The following FRY variants were observed in gnomAD, a reference collection of about 807,000 sequenced individuals.
FRY encodes protein furry homolog.
Under a neutral mutation model 348.4 loss-of-function variants are expected in FRY, and 128 were observed. The observed-to-expected ratio is 0.37, with a 90% CI of 0.32 to 0.43. The LOEUF is 0.43. Ranked by LOEUF, FRY falls within the 20% of genes least tolerant of loss-of-function variation. The pLI is 1.00. For missense variants in FRY, 2,736 were observed against 3,695.2 expected, an observed-to-expected ratio of 0.74 and a Z score of 6.73; for synonymous variants, 1,370 against 1,374.7, an observed-to-expected ratio of 1.00 and a Z score of 0.08.
chr13:32,140,315 A>C (rs1879983441), intron 11 of FRY, among the ~76,000 whole-genome samples: 1 of 152,244 alleles, frequency 6.6e-6, no homozygotes. Context: ...TCAGATAGCA[A>C]TACTGCATCT....
intron 11 of FRY, among the ~76,000 whole-genome samples, chr13:32,145,543 T>G (rs771475559): frequency 0.1 from 14,256 of 140,034 alleles, 855 homozygotes; most frequent in African/African-American, 0.17. Flanking sequence ...TTTTTTTTTT[T>G]TTTTTTTTTT....
chr13:32,092,166 G>C (rs1016202264), intron 2 of FRY, among the ~76,000 whole-genome samples: 1 of 152,134 alleles, frequency 6.6e-6, no homozygotes, highest in Admixed American at 6.5e-5. Context: ...TATCTCTGAG[G>C]GCAGTAATAC....
At chr13:32,143,188 G>A (rs113498215) in intron 11 of FRY, among the ~76,000 whole-genome samples, 15 of 152,254 alleles carry the variant, frequency 9.9e-5, no homozygotes, top group African/African-American at 3.6e-4. Context: ...GTGATTAGAA[G>A]CCTCTTAAGG....
At chr13:32,187,099 T>G (rs1883070245) in intron 27 of FRY, among the ~76,000 whole-genome samples, 1 of 152,258 alleles carries the variant, frequency 6.6e-6, no homozygotes, top group Non-Finnish European at 1.5e-5. Flanking sequence ...TATAATTATT[T>G]ACTTTCATAC....
chr13:32,061,270 A>G, intron 1 of FRY: 1 of 464,152 alleles, frequency 2.2e-6, no homozygotes, highest in Non-Finnish European at 4.5e-6. Flanking sequence ...TGGAGGTAGC[A>G]GTTGCATCTG....
intron 21 of FRY, 29 bp downstream of exon 21, chr13:32,178,465 C>T (rs1566113578): frequency 6.2e-7 from 1 of 1,612,244 alleles, no homozygotes; most frequent in Admixed American, 1.7e-5. Context: ...TTCCTCTGCC[C>T]TCTTGTTTTT....
intron 20 of FRY, among the ~76,000 whole-genome samples, chr13:32,177,580 C>G (rs866525284): frequency 1.4e-5 from 2 of 145,654 alleles, no homozygotes; most frequent in South Asian, 4.3e-4. Context: ...TGTGACAGAG[C>G]AAGACTCTGT....
chr13:32,194,912 T>A (rs545032189), intron 29 of FRY, among the ~76,000 whole-genome samples: 18 of 145,314 alleles, frequency 1.2e-4, no homozygotes, highest in Non-Finnish European at 2.0e-4. Context: ...CCAAGAAAGC[T>A]TATGTATCAG....
intron 48 of FRY, 60 bp from the exon 49 acceptor site, chr13:32,249,466 G>A (rs1886965446): frequency 1.9e-6 from 3 of 1,571,674 alleles, no homozygotes; most frequent in Admixed American, 1.7e-5. Context: ...CTGGGGAGAA[G>A]GGTTTCATAT....
chr13:32,067,435 G>C (rs1189478543), intron 1 of FRY, among the ~76,000 whole-genome samples: 1 of 152,090 alleles, frequency 6.6e-6, no homozygotes, highest in Non-Finnish European at 1.5e-5. Flanking sequence ...CTGCAGTTTA[G>C]GGAGTTTCCA....
intron 1 of FRY, among the ~76,000 whole-genome samples, chr13:32,046,751 C>T (rs1873033380): frequency 6.6e-6 from 1 of 152,206 alleles, no homozygotes; most frequent in African/African-American, 2.4e-5. Flanking sequence ...GGATCTTTCT[C>T]TACACGGAGA....
chr13:32,174,028 A>T (rs145923258), intron 19 of FRY, among the ~76,000 whole-genome samples: 191 of 152,348 alleles, frequency 1.3e-3, no homozygotes, highest in Middle Eastern at 6.8e-3. Context: ...GAAGGAAGCC[A>T]GTTATTAAGC....
chr13:32,089,838 G>C (rs1418994866), intron 2 of FRY, among the ~76,000 whole-genome samples: 1 of 152,166 alleles, frequency 6.6e-6, no homozygotes, highest in Non-Finnish European at 1.5e-5. Context: ...AATTCAAGTG[G>C]AAAGAAGGGA....
chr13:32,184,642 C>T lies in FRY; in HGVS notation c.3097C>T (p.Leu1033=). The change falls in exon 25 of 61, where the codon CTA becomes TTA. Residue 1033 remains leucine, a synonymous_variant. Coordinates refer to ENST00000542859, the MANE Select transcript of FRY (RefSeq NM_023037.3). The part of the protein sequence containing the change: ...RERRDLLRLQ[L]LRIFELLADA... ...ACGGCGAGACTTGTTAAGGCTACAA[C>T]TACTTCGAATTTTTGAACTTTTGGC... The T allele has an allele frequency of 5.6e-6, 9 of 1,613,770 alleles. No individual in the cohort carries two copies. Among genetic ancestry groups the T allele is most frequent in the Non-Finnish European group, 5.1e-6 (6 of 1,179,614 alleles).
chr13:32,247,362 G>A lies in FRY; in HGVS notation c.6868G>A (p.Val2290Ile). The A allele has an allele frequency of 1.2e-6, 2 of 1,613,774 alleles. No individual in the cohort carries two copies. The highest frequency in any genetic ancestry group is 1.7e-6 in the Non-Finnish European group (2 of 1,179,728). ...WREALNILKL[V>I]VSRSASLVLP... ...AGAAGCTCTGAATATCTTGAAGCTG[G>A]TAGTTTCTCGGTCAGCCAGCCTTGT... The change falls in exon 48 of 61, where the codon GTA (valine) becomes ATA (isoleucine). Residue 2290 changes from valine to isoleucine, a missense_variant. Physicochemically the swap from Val to Ile is conservative, Grantham distance 29 (BLOSUM62 3). Coordinates refer to ENST00000542859, the MANE Select transcript of FRY (RefSeq NM_023037.3).
At chr13:32,107,137 A>T (rs1229555192) in intron 3 of FRY, among the ~76,000 whole-genome samples, 2 of 152,176 alleles carry the variant, frequency 1.3e-5, no homozygotes, top group Non-Finnish European at 2.9e-5. Context: ...CGGGTGGATC[A>T]CCCGAGCTCA....
chr13:32,234,865 A>G (rs9567460), intron 42 of FRY, 104 bp downstream of exon 42: 1 of 907,578 alleles, frequency 1.1e-6, no homozygotes, highest in East Asian at 2.5e-5. Flanking sequence ...TATTCCAGCC[A>G]TCTGGACATG....
chr13:32,039,475 CTCTG>C (rs1391864573), intron 1 of FRY, among the ~76,000 whole-genome samples: 1 of 125,454 alleles, frequency 8.0e-6, no homozygotes, highest in African/African-American at 3.1e-5. Context: ...TTCTTTCTCT[CTCTG>C]TCTCTCTCCC....
chr13:32,092,190 A>C (rs1296147872), intron 2 of FRY, among the ~76,000 whole-genome samples: 1 of 152,248 alleles, frequency 6.6e-6, no homozygotes, highest in African/African-American at 2.4e-5. Context: ...GGATCTTTCT[A>C]GATTAGTGAA....
Sources: allele counts gnomAD v4.1 joint callset (sites outside exome capture counted in the v4.1 genomes callset), GRCh38; gene constraint gnomAD v4.1.1; transcripts MANE v1.5; gene names NCBI Gene and HGNC (gene_info 2026-07-23, HGNC 2026-07-21).